NATD1: variants seen among roughly 807,000 people sequenced by gnomAD.
NATD1 encodes N-acetyltransferase domain containing 1, also known as protein NATD1.
A neutral mutation model predicts 12.0 loss-of-function variants in NATD1; 9 were observed. The observed-to-expected ratio is 0.75, with a 90% CI of 0.45 to 1.30. NATD1 has a LOEUF of 1.30. Ranked by LOEUF, NATD1 falls within the 50% of genes most tolerant of loss-of-function variation. NATD1 has a pLI of 0.00. For synonymous variants in NATD1, 71 were observed against 65.9 expected (o/e 1.08, Z -0.37); for missense variants, 148 against 148.5 (o/e 1.00, Z 0.02).
At chr17:21,249,344 G>A (rs1040724231) in intron 1 of NATD1, among the ~76,000 whole-genome samples, 1 of 152,222 alleles carries the variant, frequency 6.6e-6, no homozygotes, top group African/African-American at 2.4e-5. Context: ...AGTAGAGCCT[G>A]GATCAGGGAG....
At chr17:21,246,017 G>A (rs367890989) in intron 1 of NATD1, among the ~76,000 whole-genome samples, 10 of 152,290 alleles carry the variant, frequency 6.6e-5, no homozygotes, top group East Asian at 5.8e-4. Flanking sequence ...AGCAGAGATC[G>A]GAGGCTATTC....
At chr17:21,248,085 G>A (rs948221589) in intron 1 of NATD1, among the ~76,000 whole-genome samples, 1 of 152,152 alleles carries the variant, frequency 6.6e-6, no homozygotes, top group African/African-American at 2.4e-5. Flanking sequence ...AAAAGACCGA[G>A]TTTAAATGGA....
chr17:21,252,292 AGAGT>A (rs1342244215), intron 1 of NATD1, among the ~76,000 whole-genome samples: 1 of 151,874 alleles, frequency 6.6e-6, no homozygotes, highest in Non-Finnish European at 1.5e-5. Flanking sequence ...CCTGGGCGAC[AGAGT>A]GAGACTCCAT....
At chr17:21,248,435 G>C (rs1238502862) in intron 1 of NATD1, among the ~76,000 whole-genome samples, 1 of 152,138 alleles carries the variant, frequency 6.6e-6, no homozygotes, top group African/African-American at 2.4e-5. Flanking sequence ...GGGTCCAGCT[G>C]CCTCTCTGGC....
At position 21,244,265 on chromosome 17, in the gene NATD1, T is replaced by C; in HGVS notation, c.107-41A>G. On this transcript the variant is annotated intron_variant, in intron 1 of 2. Transcript: ENST00000611551. This position sits in a 1 kb window ranked among gnomAD's most constrained non-coding sequence, Gnocchi z 5.2. Reference sequence around the variant, plus strand: ...ACAGGTAAGCCTATGCTGACTCCCATCCCAGCGGACTCAGGCACCAAGACG... The same window carrying C: ...ACAGGTAAGCCTATGCTGACTCCCACCCCAGCGGACTCAGGCACCAAGACG... The C allele has an allele frequency of 6.4e-7, 1 of 1,556,146 alleles. No individual in the cohort carries two copies. The highest frequency in any genetic ancestry group is 8.8e-7 in the Non-Finnish European group (1 of 1,139,982).
At chr17:21,250,747 T>C (rs1975367564) in intron 1 of NATD1, among the ~76,000 whole-genome samples, 1 of 152,172 alleles carries the variant, frequency 6.6e-6, no homozygotes, top group Admixed American at 6.5e-5. Flanking sequence ...AAATGCTTAA[T>C]AAACAAAGGT....
At position 21,243,326 on chromosome 17, in the gene NATD1, C is replaced by T. The variant is rs780632579; in HGVS notation, c.329G>A (p.Arg110His). The T allele has an allele frequency of 2.9e-5, 46 of 1,612,210 alleles. No homozygotes were observed. Among genetic ancestry groups the T allele is most frequent in the Non-Finnish European group, 3.6e-5 (42 of 1,179,878 alleles). The change falls in exon 3 of 3, where the codon CGC becomes CAC. Residue 110 changes from arginine (R) to histidine (H), a missense_variant. By Grantham distance (29) the Arg-to-His change is conservative. Coordinates refer to ENST00000611551, the MANE Select transcript of NATD1 (RefSeq NM_152914.3). ...TGCAGGCCAGGGTTACGGCTGCAGG[C>T]GCTCCAGGTACTGCGGCAGGGGGTT... ...KENPLPQYLERLQP is the reference protein window; with the variant it reads ...KENPLPQYLEHLQP
At position 21,242,965 on chromosome 17, in the gene NATD1, G is replaced by C. The variant is rs1975290091; in HGVS notation, c.*348C>G. ...CACAGGCCCAGGAGAGGTGGCAGCA[G>C]GGGTCCCACACTGGCCCTCCTGCTG... On this transcript the variant is annotated 3_prime_UTR_variant, in exon 3 of 3. Transcript: ENST00000611551. 4.8e-6 allele frequency: 1 copy of C among 206,250 alleles called. No homozygotes were observed. The highest frequency in any genetic ancestry group is 9.8e-6 in the Non-Finnish European group (1 of 102,468). 12.8% of individuals were successfully genotyped at this position (206,250 alleles called of 1,614,324 possible).
intron 1 of NATD1, among the ~76,000 whole-genome samples, chr17:21,252,160 C>A (rs750440229): frequency 4.6e-5 from 7 of 152,264 alleles, no homozygotes; most frequent in Middle Eastern, 3.4e-3. Flanking sequence ...CAAAAATTAG[C>A]TGGGCATGGT....
rs1597786458 is a variant in NATD1 at position 21,253,105 on chromosome 17, G to A, written c.106+54C>T. 2.6e-5 allele frequency: 24 copies of A among 936,168 alleles called. 1 individual carries two copies. The South Asian group carries it at 1.0e-3, about 41-fold the overall frequency. 58.0% of individuals were successfully genotyped at this position (936,168 alleles called of 1,614,324 possible). On this transcript the variant is annotated intron_variant, in intron 1 of 2. Coordinates refer to ENST00000611551, the MANE Select transcript of NATD1 (RefSeq NM_152914.3). ...GGCACCCAGCAAGGGGGCGGCCCCG[G>A]CGGGCCCCGCTCGCTCGCAGACAAA... is the stretch of plus-strand genomic sequence containing the variant.
At position 21,239,273 on chromosome 17, in the gene NATD1, G is replaced by C. The variant is rs1450530165; in HGVS notation, c.*4040C>G. The C allele has an allele frequency of 1.3e-5, 2 of 152,226 alleles. No homozygotes were observed. Among genetic ancestry groups the C allele is most frequent in the African/African-American group, 4.8e-5 (2 of 41,444 alleles). 9.4% of individuals were successfully genotyped at this position (152,226 alleles called of 1,614,324 possible). A position where few individuals can be genotyped will look rare whatever the true frequency, so the allele number is the denominator to read the frequency against. ...CCTTGCAGCTGAGTGGGAAGTTGCT[G>C]GAAGTTGTATCTGTTTATTGCTTTT... On this transcript the variant is annotated 3_prime_UTR_variant, in exon 3 of 3. Coordinates refer to ENST00000611551, the MANE Select transcript of NATD1 (RefSeq NM_152914.3).
chr17:21,245,447 G>A (rs1975317220), intron 1 of NATD1, among the ~76,000 whole-genome samples: 1 of 152,186 alleles, frequency 6.6e-6, no homozygotes, highest in African/African-American at 2.4e-5. Flanking sequence ...ACGAGGGGAA[G>A]GCTGACAGGC....
chr17:21,247,420 G>A (rs184566307), intron 1 of NATD1, among the ~76,000 whole-genome samples: 6 of 152,222 alleles, frequency 3.9e-5, no homozygotes, highest in African/African-American at 7.2e-5. Context: ...TGGCCCAAGC[G>A]TGTGCAGCCC....
chr17:21,240,708 C>T lies in NATD1; in HGVS notation c.*2605G>A, dbSNP rs1975261849. On this transcript the variant is annotated 3_prime_UTR_variant, in exon 3 of 3. Coordinates refer to ENST00000611551, the MANE Select transcript of NATD1 (RefSeq NM_152914.3). The stretch of plus-strand genomic sequence containing the variant: ...ATCCCCTGCCCCAGTCAGGTTCTCG[C>T]CCAGGTGCATAAACCGGCCCCATGT... 1 of 152,664 alleles carries T rather than the reference C, an allele frequency of 6.6e-6. No homozygotes were observed. The highest frequency in any genetic ancestry group is 1.5e-5 in the Non-Finnish European group (1 of 68,146). The allele number at this position is 152,664 out of a possible 1,614,324, so 9.5% of individuals were successfully genotyped here. A position where few individuals can be genotyped will look rare whatever the true frequency, so the allele number is the denominator to read the frequency against.
rs1226288246 is a variant in NATD1, at chr17:21,239,379, G to T, written c.*3934C>A. The T allele has an allele frequency of 6.6e-6, 1 of 151,152 alleles. No homozygotes were observed. The highest frequency in any genetic ancestry group is 1.5e-5 in the Non-Finnish European group (1 of 67,806). 9.4% of individuals were successfully genotyped at this position (151,152 alleles called of 1,614,324 possible). On this transcript the variant is annotated 3_prime_UTR_variant, in exon 3 of 3. Transcript: ENST00000611551. ...GAGGACGGGAGCTGGGCTGGGTCCT[G>T]AGCCCTTCTAGCGGTGTGGCTTTGG...
chr17:21,249,977 A>G (rs953692647), intron 1 of NATD1, among the ~76,000 whole-genome samples: 2 of 152,226 alleles, frequency 1.3e-5, no homozygotes, highest in Admixed American at 6.5e-5. Context: ...ACATCTGTCC[A>G]GGATCTAGAC....
intron 1 of NATD1, among the ~76,000 whole-genome samples, chr17:21,247,901 G>A (rs188889394): frequency 1.1e-4 from 16 of 152,288 alleles, no homozygotes; most frequent in Admixed American, 8.5e-4. Flanking sequence ...TGGGTGCTGC[G>A]GGCAGTCAGG....
At chr17:21,246,569 C>T (rs1403206814) in intron 1 of NATD1, among the ~76,000 whole-genome samples, 1 of 151,218 alleles carries the variant, frequency 6.6e-6, no homozygotes, top group Non-Finnish European at 1.5e-5. Flanking sequence ...CACCTATGGT[C>T]CCGGCTATTT....
At chr17:21,246,423 A>G (rs1055607767) in intron 1 of NATD1, among the ~76,000 whole-genome samples, 3 of 151,782 alleles carry the variant, frequency 2.0e-5, no homozygotes, top group African/African-American at 7.3e-5. Context: ...CTGAGGCAGG[A>G]GAATCACTTG....
Sources: allele counts gnomAD v4.1 joint callset (sites outside exome capture counted in the v4.1 genomes callset), GRCh38; gene constraint gnomAD v4.1.1; non-coding constraint Gnocchi (gnomAD v3.1); transcripts MANE v1.5; gene names NCBI Gene and HGNC (gene_info 2026-07-23, HGNC 2026-07-21).